The following HTR3A variants were observed in gnomAD, a reference collection of about 807,000 sequenced individuals.
HTR3A encodes 5-hydroxytryptamine (serotonin) receptor 3A, ionotropic.
Under a neutral mutation model 54.8 loss-of-function variants are expected in HTR3A, and 45 were observed. The observed-to-expected ratio is 0.82, with a 90% CI of 0.65 to 1.05. The LOEUF is 1.05. Among genes scored for constraint, HTR3A ranks in the 50% least tolerant of loss-of-function variants. The probability of loss-of-function intolerance (pLI) is 0.00; values close to 1 mark genes in which losing one functional copy is unlikely to be tolerated. For missense variants in HTR3A, 657 were observed against 614.0 expected, an observed-to-expected ratio of 1.07 and a Z score of -0.74; for synonymous variants, 297 against 256.0, an observed-to-expected ratio of 1.16 and a Z score of -1.53.
At chr11:113,979,080 GTCTA>G (rs1950389033) in intron 2 of HTR3A, among the ~76,000 whole-genome samples, 149 bp from the exon 3 acceptor site, 1 of 152,192 alleles carries the variant, frequency 6.6e-6, no homozygotes, top group Non-Finnish European at 1.5e-5. Flanking sequence ...GGGAGCTCCA[GTCTA>G]TCTACTTTCC....
chr11:113,985,065 C>G (rs1306686477), intron 5 of HTR3A, among the ~76,000 whole-genome samples: 1 of 152,250 alleles, frequency 6.6e-6, no homozygotes, highest in African/African-American at 2.4e-5. Flanking sequence ...CTTCTACCCT[C>G]AATCCCAAAC....
chr11:113,979,930 G>A (rs1224386195), intron 3 of HTR3A, among the ~76,000 whole-genome samples: 1 of 152,192 alleles, frequency 6.6e-6, no homozygotes, highest in African/African-American at 2.4e-5. Context: ...GCTCACAGAG[G>A]TCATGCCCAA....
At chr11:113,979,818 CTA>C (rs1950399615) in intron 3 of HTR3A, among the ~76,000 whole-genome samples, 1 of 152,082 alleles carries the variant, frequency 6.6e-6, no homozygotes, top group Non-Finnish European at 1.5e-5. Context: ...GTGGAGGTCA[CTA>C]TCCAAGGGTC....
Position 113,977,856 on chromosome 11 carries a change from C to T in HTR3A, c.153C>T (p.Pro51=), listed in dbSNP as rs768843379. 5 of 1,614,034 alleles carry T rather than the reference C, an allele frequency of 3.1e-6. No individual in the cohort carries two copies. The highest frequency in any genetic ancestry group is 2.2e-5 in the East Asian group (1 of 44,898). The change falls in exon 2 of 9, where the codon CCC becomes CCT. Residue 51 remains proline, a synonymous_variant. Transcript: ENST00000504030. ...CCAACTACAGGAAGGGTGTGCGCCCCGTGAGGGACTGGAGGAAGCCAACCA... is the reference window on the plus strand; with the variant it reads ...CCAACTACAGGAAGGGTGTGCGCCCTGTGAGGGACTGGAGGAAGCCAACCA... ...LLTNYRKGVR[P]VRDWRKPTTV...
intron 5 of HTR3A, 64 bp downstream of exon 5, chr11:113,983,353 A>G (rs1950447444): frequency 3.2e-6 from 5 of 1,582,040 alleles, no homozygotes; most frequent in Non-Finnish European, 2.6e-6. Flanking sequence ...CACCTGAGCG[A>G]GGAGTGCTCC....
At chr11:113,984,520 G>A (rs940347835) in intron 5 of HTR3A, among the ~76,000 whole-genome samples, 4 of 152,214 alleles carry the variant, frequency 2.6e-5, no homozygotes, top group Admixed American at 6.5e-5. Context: ...CCCCAGCACA[G>A]GGCCTGGCAC....
intron 1 of HTR3A, among the ~76,000 whole-genome samples, chr11:113,976,370 G>A (rs561507547): frequency 6.6e-6 from 1 of 152,168 alleles, no homozygotes; most frequent in East Asian, 1.9e-4. Flanking sequence ...CAGTCAATAG[G>A]ACCCAGGCTC....
At chr11:113,984,186 G>A (rs1342823652) in intron 5 of HTR3A, among the ~76,000 whole-genome samples, 2 of 152,090 alleles carry the variant, frequency 1.3e-5, no homozygotes, top group African/African-American at 4.8e-5. Context: ...GGCAGCATAA[G>A]TTTCAGCTCC....
Position 113,989,368 on chromosome 11 carries a change from C to A in HTR3A, c.1139-97C>A. The A allele has an allele frequency of 7.0e-7, 1 of 1,427,864 alleles. No homozygotes were observed. The highest frequency in any genetic ancestry group is 9.8e-7 in the Non-Finnish European group (1 of 1,015,570). The allele number at this position is 1,427,864 out of a possible 1,614,324, so 88.4% of individuals were successfully genotyped here. ...ACAGAGTGAGAAAAAAAAAGTTATT[C>A]CCAACAAAAATTTACAGGCTATAGA... On this transcript the variant is annotated intron_variant, in intron 8 of 8. Coordinates refer to ENST00000504030, the MANE Select transcript of HTR3A (RefSeq NM_000869.6). This position sits in a 1 kb window ranked among gnomAD's most constrained non-coding sequence, Gnocchi z 4.4.
intron 1 of HTR3A, 193 bp from the exon 2 acceptor site, chr11:113,977,553 GAATGCATAGGTCCTTTCTACAAGGT>G: frequency 6.5e-7 from 1 of 1,548,434 alleles, no homozygotes; most frequent in Non-Finnish European, 8.7e-7. Context: ...TCCTGTCAAT[GAATGCATAGGTCCTTTCTACAAGGT>G]AATACATTTG....
rs1950418210 is a variant in HTR3A at position 113,981,239 on chromosome 11, G to T, written c.301G>T (p.Asp101Tyr). ...TDEFLQWNPE[D>Y]FDNITKLSIP... ...TGAGTTTCTCCAGTGGAACCCTGAGGACTTTGACAACATCACCAAGTTGTC... is the reference window on the plus strand; with the variant it reads ...TGAGTTTCTCCAGTGGAACCCTGAGTACTTTGACAACATCACCAAGTTGTC... Residue 101 changes from aspartate to tyrosine, a missense_variant, in exon 4 of 9, where the codon GAC (aspartate) becomes TAC (tyrosine). Physicochemically the swap from Asp to Tyr is radical, Grantham distance 160. Coordinates refer to ENST00000504030, the MANE Select transcript of HTR3A (RefSeq NM_000869.6). The T allele has an allele frequency of 6.2e-7, 1 of 1,613,758 alleles. No homozygotes were observed. Among genetic ancestry groups the T allele is most frequent in the Admixed American group, 1.7e-5 (1 of 60,002 alleles).
At chr11:113,980,536 G>A (rs542246514) in intron 3 of HTR3A, among the ~76,000 whole-genome samples, 1 of 152,220 alleles carries the variant, frequency 6.6e-6, no homozygotes, top group Non-Finnish European at 1.5e-5. Flanking sequence ...ATGTACCTTG[G>A]TAAAGAAGAT....
At position 113,975,286 on chromosome 11, in the gene HTR3A, C is replaced by A; in HGVS notation, c.-40C>A. The stretch of plus-strand genomic sequence containing the variant: ...AAGCTGGCCCTTGGTGGGCCTCGTC[C>A]TGAGCACTCGGAGGCACTCCTATGC... On this transcript the variant is annotated 5_prime_UTR_variant, in exon 1 of 9. In the 5' UTR this introduces an upstream ATG that the reference lacks. Transcript: ENST00000504030. The A allele has an allele frequency of 6.2e-7, 1 of 1,610,452 alleles. No individual in the cohort carries two copies.
At chr11:113,979,501 A>C (rs1212327225) in intron 3 of HTR3A, among the ~76,000 whole-genome samples, 1 of 152,116 alleles carries the variant, frequency 6.6e-6, no homozygotes, top group Non-Finnish European at 1.5e-5. Context: ...CTGGCTTCTG[A>C]AGTTCTTCAA....
chr11:113,986,290 A>AGTGCAACT (rs1259577438), intron 6 of HTR3A, 115 bp downstream of exon 6: 3 of 1,332,730 alleles, frequency 2.3e-6, no homozygotes, highest in Non-Finnish European at 3.2e-6. Context: ...GGTTGCACAC[A>AGTGCAACT]TCTGGAACTT....
intron 5 of HTR3A, among the ~76,000 whole-genome samples, chr11:113,985,329 C>T (rs1950476527): frequency 1.3e-5 from 2 of 152,128 alleles, no homozygotes; most frequent in South Asian, 4.1e-4. Context: ...AGGTCTTCCT[C>T]AAAAATTTTA....
intron 3 of HTR3A, among the ~76,000 whole-genome samples, chr11:113,979,954 C>T (rs955728257): frequency 2.0e-5 from 3 of 152,168 alleles, no homozygotes; most frequent in African/African-American, 7.2e-5. Context: ...GCTCTGGGGA[C>T]ATGCTTGGCA....
chr11:113,981,465 G>A (rs1176719), intron 4 of HTR3A, among the ~76,000 whole-genome samples, 153 bp downstream of exon 4: 40,473 of 151,898 alleles, frequency 0.27, 5,709 homozygotes, highest in Admixed American at 0.34. Context: ...AATTCCCTTT[G>A]TCTTCCCCCC....
intron 3 of HTR3A, chr11:113,981,001 T>C (rs778621527): frequency 3.4e-6 from 2 of 584,270 alleles, no homozygotes; most frequent in Non-Finnish European, 6.2e-6. Flanking sequence ...GCCGAGTTGT[T>C]ATGTGTGGAG....
Sources: gnomAD v4.1 joint callset for allele counts (sites outside exome capture counted in the v4.1 genomes callset) on GRCh38, gnomAD v4.1.1 for gene constraint, Gnocchi (gnomAD v3.1) non-coding constraint, MANE v1.5 for transcripts, NCBI Gene and HGNC (gene_info 2026-07-23, HGNC 2026-07-21) for gene names.